Variants in KANK1 observed in about 807,000 individuals in gnomAD.
The protein encoded by KANK1 is KN motif and ankyrin repeat domains 1.
Under a neutral mutation model 106.2 loss-of-function variants are expected in KANK1, and 109 were observed. That is an observed-to-expected ratio of 1.03 (90% CI 0.88 to 1.20). The LOEUF (loss-of-function observed/expected upper bound fraction) is 1.20, where lower values mean the gene tolerates loss of function less well. Ranked by LOEUF, KANK1 falls within the 50% of genes most tolerant of loss-of-function variation. KANK1 has a pLI of 0.00. For missense variants in KANK1, 2,399 were observed against 1,710.7 expected (o/e 1.40, Z -7.10); for synonymous variants, 873 against 652.2 (o/e 1.34, Z -5.16).
chr9:715,607 C>G (rs1827481520), intron 3 of KANK1, among the ~76,000 whole-genome samples: 2 of 152,188 alleles, frequency 1.3e-5, no homozygotes. Flanking sequence ...TAGATCCAAC[C>G]CTGCTAACAA....
chr9:659,175 AT>A (rs1393653894), intron 1 of KANK1, among the ~76,000 whole-genome samples: 2 of 152,190 alleles, frequency 1.3e-5, no homozygotes, highest in Non-Finnish European at 2.9e-5. Flanking sequence ...CTCAGTCAAT[AT>A]TTTTGAATAA....
intron 7 of KANK1, among the ~76,000 whole-genome samples, chr9:737,609 T>G (rs949593570): frequency 6.6e-6 from 1 of 152,172 alleles, no homozygotes; most frequent in African/African-American, 2.4e-5. Context: ...GTGGAGCTGA[T>G]GAGAGAATGA....
Position 711,549 on chromosome 9 carries a change from G to A in KANK1, c.783G>A (p.Gln261=), listed in dbSNP as rs759180739. 67 of 1,613,770 alleles carry A rather than the reference G, an allele frequency of 4.2e-5. 2 individuals carry two copies. The Admixed American group carries it at 1.1e-3, about 27-fold the overall frequency. The part of the protein sequence containing the change: ...PVTNVSPMHL[Q]HIREQMAIAL... ...CCAACGTGAGCCCCATGCACCTGCA[G>A]CACATCCGCGAGCAGATGGCCATTG... The change falls in exon 3 of 12, where the codon CAG becomes CAA. Residue 261 remains glutamine (Q), a synonymous_variant. Coordinates refer to ENST00000382297, the MANE Select transcript of KANK1 (RefSeq NM_015158.5).
At chr9:741,063 C>G (rs1835353642) in intron 9 of KANK1, 129 bp downstream of exon 9, 2 of 998,384 alleles carry the variant, frequency 2.0e-6, no homozygotes, top group Non-Finnish European at 2.9e-6. Flanking sequence ...CAGGCCTGCC[C>G]TGAGTCCATA....
At chr9:740,662 C>G (rs1589344809) in intron 8 of KANK1, 130 bp from the exon 9 acceptor site, 2 of 1,027,132 alleles carry the variant, frequency 1.9e-6, no homozygotes, top group Non-Finnish European at 2.8e-6. Context: ...TTCTAAGTCA[C>G]TCTTGGTCTC....
intron 3 of KANK1, among the ~76,000 whole-genome samples, chr9:496,572 A>G (rs2058461958): frequency 6.6e-6 from 1 of 152,196 alleles, no homozygotes; most frequent in Non-Finnish European, 1.5e-5. Flanking sequence ...AAATAAATAC[A>G]TAAATAAATT....
intron 7 of KANK1, among the ~76,000 whole-genome samples, chr9:737,218 T>C (rs10815580): frequency 0.28 from 42,434 of 151,886 alleles, 6,674 homozygotes; most frequent in Non-Finnish European, 0.37. Flanking sequence ...AATGTGAATA[T>C]ATACAGAAAA....
At chr9:679,505 C>T (rs1314731923) in intron 2 of KANK1, among the ~76,000 whole-genome samples, 1 of 152,162 alleles carries the variant, frequency 6.6e-6, no homozygotes, top group Non-Finnish European at 1.5e-5. Context: ...ACCTCTGCCT[C>T]CTGGGTTCAA....
At chr9:693,993 G>T (rs148241676) in intron 2 of KANK1, among the ~76,000 whole-genome samples, 1 of 152,260 alleles carries the variant, frequency 6.6e-6, no homozygotes, top group Non-Finnish European at 1.5e-5. Flanking sequence ...ATTGTTGCAG[G>T]AGTGAATGGT....
intron 3 of KANK1, chr9:473,299 A>G (rs936676612): frequency 2.0e-5 from 3 of 152,236 alleles, no homozygotes; most frequent in Non-Finnish European, 4.4e-5. Flanking sequence ...TCCAAAACCC[A>G]TGTAATATCC....
At chr9:529,541 C>T (rs1217013777) in intron 1 of KANK1, among the ~76,000 whole-genome samples, 1 of 152,106 alleles carries the variant, frequency 6.6e-6, no homozygotes, top group Admixed American at 6.6e-5. Flanking sequence ...CATATTCTCT[C>T]TCCCTGTGAA....
intron 3 of KANK1, among the ~76,000 whole-genome samples, chr9:714,712 C>T (rs561699278): frequency 6.6e-6 from 1 of 152,108 alleles, no homozygotes; most frequent in East Asian, 1.9e-4. Flanking sequence ...CATTGGGATT[C>T]CTGCTCACTC....
At chr9:664,241 G>A (rs1353082355) in intron 1 of KANK1, among the ~76,000 whole-genome samples, 2 of 152,004 alleles carry the variant, frequency 1.3e-5, no homozygotes, top group Non-Finnish European at 2.9e-5. Context: ...ACCCTTCCCA[G>A]CCTCCGGTAA....
chr9:576,590 T>C lies in KANK1; in HGVS notation c.-84+71836T>C, dbSNP rs533081121. 7.1e-4 allele frequency among the ~76,000 whole-genome samples: 108 copies of C among 152,340 alleles called. 3 individuals carry two copies. The South Asian group carries it at 0.022, about 31-fold the overall frequency. ...GGCTCAGACGTTTGCTTCGATTCTTTCACTGGCAATCACGGAGACTTGACA... is the reference window on the plus strand; with the variant it reads ...GGCTCAGACGTTTGCTTCGATTCTTCCACTGGCAATCACGGAGACTTGACA... On this transcript the variant is annotated intron_variant, in intron 1 of 11. Coordinates refer to ENST00000382297, the MANE Select transcript of KANK1 (RefSeq NM_015158.5).
intron 3 of KANK1, among the ~76,000 whole-genome samples, chr9:491,275 C>T (rs2131780): frequency 0.3 from 42,552 of 143,246 alleles, 11,535 homozygotes; most frequent in African/African-American, 0.71. Flanking sequence ...AGTGCATTTT[C>T]TTTTTTTTTT....
At chr9:558,141 G>T (rs978421966) in intron 1 of KANK1, among the ~76,000 whole-genome samples, 1 of 152,172 alleles carries the variant, frequency 6.6e-6, no homozygotes, top group Admixed American at 6.5e-5. Context: ...GAAAAGGCTA[G>T]AGGAAAATTT....
At chr9:593,885 T>A (rs1309972217) in intron 1 of KANK1, among the ~76,000 whole-genome samples, 2 of 151,898 alleles carry the variant, frequency 1.3e-5, no homozygotes, top group Non-Finnish European at 2.9e-5. Flanking sequence ...GTTTATAAAA[T>A]TTTTTGTAAC....
intron 3 of KANK1, among the ~76,000 whole-genome samples, chr9:483,370 C>T (rs2885048): frequency 0.32 from 48,269 of 151,966 alleles, 11,383 homozygotes; most frequent in African/African-American, 0.66. Context: ...TTAGATTTAA[C>T]TGGTTTTGGT....
chr9:570,289 A>G (rs1328484777), intron 1 of KANK1, among the ~76,000 whole-genome samples: 1 of 152,204 alleles, frequency 6.6e-6, no homozygotes, highest in African/African-American at 2.4e-5. Flanking sequence ...TGAAAATTTG[A>G]TGTCCTTAGT....
Sources: allele counts gnomAD v4.1 joint callset (sites outside exome capture counted in the v4.1 genomes callset), GRCh38; gene constraint gnomAD v4.1.1; transcripts MANE v1.5; gene names NCBI Gene and HGNC (gene_info 2026-07-23, HGNC 2026-07-21).